Variants in CMSS1 observed in about 807,000 individuals in gnomAD.
The protein encoded by CMSS1 is protein CMSS1.
Under a neutral mutation model 43.5 loss-of-function variants are expected in CMSS1, and 33 were observed. The observed-to-expected ratio is 0.76, with a 90% CI of 0.57 to 1.01. The LOEUF (loss-of-function observed/expected upper bound fraction) is 1.01, where lower values mean the gene tolerates loss of function less well. Ranked by LOEUF, CMSS1 falls within the 50% of genes least tolerant of loss-of-function variation. The pLI, the probability that CMSS1 is intolerant of heterozygous loss-of-function variation, is 0.00. For synonymous variants in CMSS1, 115 were observed against 117.2 expected (o/e 0.98, Z 0.12); for missense variants, 313 against 326.4 (o/e 0.96, Z 0.32).
At chr3:100,027,480 T>C (rs2107249761) in intron 1 of CMSS1, among the ~76,000 whole-genome samples, 1 of 152,264 alleles carries the variant, frequency 6.6e-6, no homozygotes, top group Admixed American at 6.5e-5. Context: ...CAGCAGCTCC[T>C]TGTAGCTTGG....
At chr3:99,871,850 T>C (rs571777692) in intron 1 of CMSS1, among the ~76,000 whole-genome samples, 4 of 152,322 alleles carry the variant, frequency 2.6e-5, no homozygotes, top group Middle Eastern at 6.8e-3. Flanking sequence ...TAAATACACT[T>C]ATTTTTTATT....
intron 1 of CMSS1, among the ~76,000 whole-genome samples, chr3:99,935,474 C>T (rs190039932): frequency 2.6e-5 from 4 of 152,180 alleles, no homozygotes; most frequent in Non-Finnish European, 5.9e-5. Flanking sequence ...TCAGGAAACC[C>T]AGCCTCTGAT....
chr3:100,114,394 G>A (rs940247103), intron 1 of CMSS1: 1 of 152,366 alleles, frequency 6.6e-6, no homozygotes, highest in African/African-American at 2.4e-5. Flanking sequence ...TGGAAGAAAG[G>A]TTCTAACTGG....
chr3:100,014,683 AT>A (rs1489154097), intron 1 of CMSS1, among the ~76,000 whole-genome samples: 1 of 150,696 alleles, frequency 6.6e-6, no homozygotes, highest in Non-Finnish European at 1.5e-5. Flanking sequence ...TGGGTTGTTT[AT>A]TTTCTTGCTA....
At position 100,094,774 on chromosome 3, in the gene CMSS1, C is replaced by G. The variant is rs191342950; in HGVS notation, c.65-52199C>G. On this transcript the variant is annotated intron_variant, in intron 1 of 9. Transcript: ENST00000421999. ...TCTCGGCTCACGGCAAGCTCTGCCT[C>G]CCGGGTTCATGCCATTCTCCTGCCT... is the stretch of plus-strand genomic sequence containing the variant. Among the ~76,000 whole-genome samples, 158 of 150,526 alleles carry G rather than the reference C, an allele frequency of 1.0e-3. 2 individuals are homozygous for G. In the East Asian group the frequency reaches 0.029, roughly 27 times the overall value.
intron 1 of CMSS1, among the ~76,000 whole-genome samples, chr3:99,988,792 A>G (rs1709429405): frequency 6.6e-6 from 1 of 152,172 alleles, no homozygotes; most frequent in Non-Finnish European, 1.5e-5. Context: ...AACTTCCACC[A>G]TTGACCCATT....
chr3:99,914,619 G>A (rs1211132220), intron 1 of CMSS1, among the ~76,000 whole-genome samples: 1 of 152,164 alleles, frequency 6.6e-6, no homozygotes, highest in Non-Finnish European at 1.5e-5. Flanking sequence ...TTCATTGTTA[G>A]TAATGGTATA....
At chr3:99,977,009 G>A (rs188055175) in intron 1 of CMSS1, among the ~76,000 whole-genome samples, 11 of 152,260 alleles carry the variant, frequency 7.2e-5, no homozygotes, top group East Asian at 1.9e-4. Context: ...TATGATCACC[G>A]TTTAGCAAGT....
At chr3:99,936,990 T>G (rs1376368325) in intron 1 of CMSS1, among the ~76,000 whole-genome samples, 3 of 152,150 alleles carry the variant, frequency 2.0e-5, no homozygotes, top group African/African-American at 7.2e-5. Flanking sequence ...CAGGCTGGAG[T>G]GCAGTGGCGT....
At chr3:100,095,693 T>C (rs923151087) in intron 1 of CMSS1, among the ~76,000 whole-genome samples, 1 of 152,252 alleles carries the variant, frequency 6.6e-6, no homozygotes, top group Middle Eastern at 3.4e-3. Flanking sequence ...GGAGAAACTT[T>C]TCAAGACATT....
chr3:99,941,943 G>C (rs1707861492), intron 1 of CMSS1, among the ~76,000 whole-genome samples: 4 of 152,308 alleles, frequency 2.6e-5, no homozygotes, highest in Admixed American at 2.0e-4. Context: ...GGTGGGAAAA[G>C]AAGACTAAGG....
chr3:100,037,370 A>G (rs1454662208), intron 1 of CMSS1, among the ~76,000 whole-genome samples: 1 of 152,122 alleles, frequency 6.6e-6, no homozygotes, highest in Non-Finnish European at 1.5e-5. Flanking sequence ...GTGAAGGGTA[A>G]AAGATTTTTT....
In CMSS1 at chr3:99,827,438, C is replaced by T. The variant is rs9838086; in HGVS notation, c.64+9395C>T. Among the ~76,000 whole-genome samples, 764 of 152,204 alleles carry T rather than the reference C, an allele frequency of 5.0e-3. 6 individuals are homozygous for T. Among genetic ancestry groups the T allele is most frequent in the African/African-American group, 0.017 (719 of 41,534 alleles). ...AACTCCTGGCCTCATGTGATCTGCC[C>T]GCCTTGGCCTCCCAAAGTGCTGGGA... On this transcript the variant is annotated intron_variant, in intron 1 of 9. Coordinates refer to ENST00000421999, the MANE Select transcript of CMSS1 (RefSeq NM_032359.4).
chr3:100,164,718 C>G (rs1559777390), intron 4 of CMSS1, among the ~76,000 whole-genome samples: 1 of 151,964 alleles, frequency 6.6e-6, no homozygotes, highest in Non-Finnish European at 1.5e-5. Context: ...GAAGGAGATA[C>G]AGTGGGTTAT....
intron 1 of CMSS1, among the ~76,000 whole-genome samples, chr3:99,949,643 G>T (rs1278358686): frequency 6.6e-6 from 1 of 152,198 alleles, no homozygotes; most frequent in Non-Finnish European, 1.5e-5. Context: ...ACAAAGAAGT[G>T]CATGGTGCTT....
At chr3:99,983,458 A>ATG (rs71132503) in intron 1 of CMSS1, among the ~76,000 whole-genome samples, 24 of 16,234 alleles carry the variant, frequency 1.5e-3, no homozygotes, top group African/African-American at 5.0e-3. Context: ...ATATATATAT[A>ATG]TGTGTGTATA....
chr3:100,105,040 A>G (rs554255791), intron 1 of CMSS1, among the ~76,000 whole-genome samples: 3 of 152,192 alleles, frequency 2.0e-5, no homozygotes, highest in Non-Finnish European at 2.9e-5. Context: ...CTTCATTTAC[A>G]GATTGTTTCT....
intron 1 of CMSS1, chr3:100,040,149 C>A (rs545193199): frequency 6.6e-6 from 1 of 152,044 alleles, no homozygotes; most frequent in East Asian, 1.9e-4. Context: ...TCTTCCTGCA[C>A]CCACAAAAGC....
At chr3:99,833,324 G>T (rs1942763354) in intron 1 of CMSS1, 1 of 1,422,070 alleles carries the variant, frequency 7.0e-7, no homozygotes, top group Non-Finnish European at 9.8e-7. Context: ...AAAAGTGTTG[G>T]TTTGTTTTAT....
Sources: allele counts gnomAD v4.1 joint callset (sites outside exome capture counted in the v4.1 genomes callset), GRCh38; gene constraint gnomAD v4.1.1; transcripts MANE v1.5; gene names NCBI Gene and HGNC (gene_info 2026-07-23, HGNC 2026-07-21).